UNKL: variants seen among roughly 807,000 people sequenced by gnomAD.
UNKL encodes putative E3 ubiquitin-protein ligase UNKL.
A neutral mutation model predicts 78.0 loss-of-function variants in UNKL; 60 were observed. That is an observed-to-expected ratio of 0.77 (90% CI 0.63 to 0.95). The LOEUF (loss-of-function observed/expected upper bound fraction) is 0.95. UNKL is among the 40% of genes least tolerant of loss of function. The pLI, the probability that UNKL is intolerant of heterozygous loss-of-function variation, is 0.00. For missense variants in UNKL, 1,159 were observed against 1,045.7 expected (o/e 1.11, Z -1.49); for synonymous variants, 608 against 474.8 (o/e 1.28, Z -3.65).
At chr16:1,414,575 C>T in intron 1 of UNKL, 40 bp downstream of exon 1, 1 of 959,630 alleles carries the variant, frequency 1.0e-6, no homozygotes, top group African/African-American at 1.8e-5. Context: ...CGAGCTGCAC[C>T]GGGCGCGGGC....
Position 1,404,104 on chromosome 16 carries a change from T to C in UNKL, c.288-760A>G, listed in dbSNP as rs113050882. On this transcript the variant is annotated intron_variant, in intron 2 of 14. Transcript: ENST00000389221. ...TCTGGCATTCCTGGGCGCCTCCAGG[T>C]AGGTCACTCCAGAAGGAGGCAAAGG... is the stretch of plus-strand genomic sequence containing the variant. Among the ~76,000 whole-genome samples, 1,260 of 151,930 alleles carry C rather than the reference T, an allele frequency of 8.3e-3. 20 individuals carry two copies. Among genetic ancestry groups the C allele is most frequent in the African/African-American group, 0.029 (1,203 of 41,444 alleles).
chr16:1,405,276 G>A (rs1596763050), intron 2 of UNKL, among the ~76,000 whole-genome samples: 1 of 149,028 alleles, frequency 6.7e-6, no homozygotes, highest in African/African-American at 2.6e-5. Flanking sequence ...AGGGAGGGAG[G>A]GAGGGAGAAA....
chr16:1,409,778 C>A (rs757768063), intron 2 of UNKL, among the ~76,000 whole-genome samples: 1 of 152,080 alleles, frequency 6.6e-6, no homozygotes, highest in Non-Finnish European at 1.5e-5. Flanking sequence ...GACACCCAGA[C>A]TCCGCAACAA....
chr16:1,382,698 C>T (rs1233401998), intron 10 of UNKL, among the ~76,000 whole-genome samples: 1 of 152,204 alleles, frequency 6.6e-6, no homozygotes, highest in Admixed American at 6.5e-5. Flanking sequence ...TGGTTCACAC[C>T]TGTAATCCCA....
chr16:1,367,503 TCCCTCCCTCCCCCTCCC>T (rs2035387260), intron 13 of UNKL, among the ~76,000 whole-genome samples, 136 bp downstream of exon 13: 1 of 7,464 alleles, frequency 1.3e-4, no homozygotes, highest in Non-Finnish European at 2.7e-4. Context: ...CCTCCCTCCC[TCCCTCCCTCCCCCTCCC>T]GTCTCACCCC....
chr16:1,392,874 G>T lies in UNKL; in HGVS notation c.1023+17C>A, dbSNP rs1304496258. The T allele has an allele frequency of 6.4e-7, 1 of 1,550,484 alleles. No individual in the cohort carries two copies. The highest frequency in any genetic ancestry group is 1.4e-5 in the African/African-American group (1 of 73,176). On this transcript the variant is annotated intron_variant, in intron 8 of 14. Coordinates refer to ENST00000389221, the MANE Select transcript of UNKL (RefSeq NM_001372107.1). ...CAAAGGACACTGGGCATTGTCCTGG[G>T]AAGGCCGTTCACTTACATTTCCCGG...
rs191996550 is a variant in UNKL at position 1,391,984 on chromosome 16, G to A, written c.1023+907C>T. 1.0e-3 allele frequency among the ~76,000 whole-genome samples: 154 copies of A among 152,236 alleles called. 2 individuals are homozygous for A. In the East Asian group the frequency reaches 0.024, roughly 23 times the overall value. On this transcript the variant is annotated intron_variant, in intron 8 of 14. Coordinates refer to ENST00000389221, the MANE Select transcript of UNKL (RefSeq NM_001372107.1). ...ATTACAGGCGTGAGCCACCGCGCCC[G>A]GCCCTGAGTTCCATTTCTTACATTT... is the stretch of plus-strand genomic sequence containing the variant.
At position 1,387,426 on chromosome 16, in the gene UNKL, G is replaced by A. The variant is rs931940784; in HGVS notation, c.1087-2041C>T. Among the ~76,000 whole-genome samples the A allele has an allele frequency of 1.3e-5, 2 of 152,162 alleles. No individual in the cohort carries two copies. The highest frequency in any genetic ancestry group is 3.9e-4 in the East Asian group (2 of 5,192). ...CCTGTCCCTGCTTCAGACCCTCAGT[G>A]TGGCCCCAGGAAGGCTGAGAAGGAC... is the stretch of plus-strand genomic sequence containing the variant. On this transcript the variant is annotated intron_variant, in intron 9 of 14. Coordinates refer to ENST00000389221, the MANE Select transcript of UNKL (RefSeq NM_001372107.1). This position sits in a 1 kb window ranked among gnomAD's most constrained non-coding sequence, Gnocchi z 4.1.
At chr16:1,386,777 C>T (rs974913637) in intron 9 of UNKL, among the ~76,000 whole-genome samples, 2 of 152,130 alleles carry the variant, frequency 1.3e-5, no homozygotes, top group Non-Finnish European at 2.9e-5. Flanking sequence ...ACCTAAGGGT[C>T]CTGCTGCCTG....
intron 10 of UNKL, among the ~76,000 whole-genome samples, chr16:1,375,301 A>AGC (rs1244889898): frequency 1.3e-5 from 2 of 152,128 alleles, no homozygotes; most frequent in Non-Finnish European, 2.9e-5. Flanking sequence ...CACCACCCAG[A>AGC]GCGGCAGGCG....
rs1028813109 is a variant in UNKL at position 1,387,762 on chromosome 16, C to T, written c.1087-2377G>A. On this transcript the variant is annotated intron_variant, in intron 9 of 14. Coordinates refer to ENST00000389221, the MANE Select transcript of UNKL (RefSeq NM_001372107.1). The surrounding 1 kb of genome is among the most constrained non-coding windows in gnomAD (Gnocchi z 4.1). ...CGGCCCTCCGGGGACGTGGACACTG[C>T]ACCGCCGCACGGCTGCCCGGCCTGC... is the stretch of plus-strand genomic sequence containing the variant. 6.6e-6 allele frequency among the ~76,000 whole-genome samples: 1 copy of T among 152,278 alleles called. No individual in the cohort carries two copies. Among genetic ancestry groups the T allele is most frequent in the South Asian group, 2.1e-4 (1 of 4,828 alleles).
At chr16:1,383,815 G>A (rs1367697549) in intron 10 of UNKL, 3 of 443,768 alleles carry the variant, frequency 6.8e-6, no homozygotes, top group Non-Finnish European at 1.4e-5. Flanking sequence ...GGCAGGGACT[G>A]CAGCGAGGGC....
chr16:1,411,101 A>G (rs2038019257), intron 2 of UNKL, among the ~76,000 whole-genome samples: 1 of 152,142 alleles, frequency 6.6e-6, no homozygotes, highest in South Asian at 2.1e-4. Context: ...CTGTAATCCT[A>G]GCACTCTGGG....
At position 1,403,303 on chromosome 16, in the gene UNKL, T is replaced by C. The variant is rs1406229669; in HGVS notation, c.329A>G (p.Lys110Arg). The C allele has an allele frequency of 6.2e-7, 1 of 1,614,106 alleles. No homozygotes were observed. The highest frequency in any genetic ancestry group is 2.2e-5 in the East Asian group (1 of 44,894). ...TGTTTTGTAGTAACGCAGGTGGTAC[T>C]TGCGTTCTGTGTCCCCCGTCGTCCG... is the stretch of plus-strand genomic sequence containing the variant. ...LHRTTGDTER[K>R]YHLRYYKTGT... Residue 110 changes from lysine (K) to arginine (R), a missense_variant, in exon 3 of 15, where the codon AAG becomes AGG. By Grantham distance (26) the Lys-to-Arg change is conservative. Coordinates refer to ENST00000389221, the MANE Select transcript of UNKL (RefSeq NM_001372107.1). This position sits in a 1 kb window ranked among gnomAD's most constrained non-coding sequence, Gnocchi z 4.8.
rs542469600 is a variant in UNKL, at chr16:1,399,814, G to A, written c.599-305C>T. ...GGAGGGAGTCCTGCTGTGGGTGTGC[G>A]GCTTCCTTGCTGGGGGATGAAAATG... On this transcript the variant is annotated intron_variant, in intron 4 of 14. Transcript: ENST00000389221. This position sits in a 1 kb window ranked among gnomAD's most constrained non-coding sequence, Gnocchi z 5.8. 2.0e-5 allele frequency among the ~76,000 whole-genome samples: 3 copies of A among 152,258 alleles called. No homozygotes were observed. Among genetic ancestry groups the A allele is most frequent in the East Asian group, 1.9e-4 (1 of 5,164 alleles).
intron 2 of UNKL, among the ~76,000 whole-genome samples, chr16:1,411,568 T>C (rs2038039451): frequency 6.6e-6 from 1 of 152,096 alleles, no homozygotes; most frequent in Non-Finnish European, 1.5e-5. Flanking sequence ...GGCTCATGCC[T>C]GTAATCCCAG....
chr16:1,375,787 C>A (rs1432560926), intron 10 of UNKL, among the ~76,000 whole-genome samples: 1 of 152,200 alleles, frequency 6.6e-6, no homozygotes, highest in African/African-American at 2.4e-5. Flanking sequence ...CCAGCCGCAC[C>A]CAGAGCCATT....
intron 6 of UNKL, among the ~76,000 whole-genome samples, chr16:1,395,074 C>T (rs550639947): frequency 2.0e-3 from 300 of 152,048 alleles, no homozygotes; most frequent in Non-Finnish European, 3.0e-3. Flanking sequence ...GATGGGGTTT[C>T]GCCATGTTGG....
chr16:1,406,737 G>C (rs2037781033), intron 2 of UNKL, among the ~76,000 whole-genome samples: 1 of 152,204 alleles, frequency 6.6e-6, no homozygotes, highest in East Asian at 1.9e-4. Context: ...AGTTTAAACA[G>C]CAAATTCTAC....
Sources: gnomAD v4.1 joint callset for allele counts (sites outside exome capture counted in the v4.1 genomes callset) on GRCh38, gnomAD v4.1.1 for gene constraint, Gnocchi (gnomAD v3.1) non-coding constraint, MANE v1.5 for transcripts, NCBI Gene and HGNC (gene_info 2026-07-23, HGNC 2026-07-21) for gene names.